Variants in USH2A observed in about 807,000 individuals in gnomAD.
USH2A encodes the protein usherin.
A neutral mutation model predicts 538.9 loss-of-function variants in USH2A; 443 were observed. The observed-to-expected ratio is 0.82, with a 90% CI of 0.76 to 0.89. The LOEUF is 0.89. Among genes scored for constraint, USH2A ranks in the 40% least tolerant of loss-of-function variants. USH2A has a pLI of 0.00. For synonymous variants in USH2A, 2,413 were observed against 2,273.5 expected, an observed-to-expected ratio of 1.06 and a Z score of -1.75; for missense variants, 6,633 against 6,324.8, an observed-to-expected ratio of 1.05 and a Z score of -1.65.
At chr1:216,084,592 T>C in intron 25 of USH2A, 106 bp downstream of exon 25, 1 of 1,188,024 alleles carries the variant, frequency 8.4e-7, no homozygotes, top group Non-Finnish European at 1.2e-6. Flanking sequence ...ATTTCTGTGA[T>C]ACTAGGTTCA....
chr1:215,674,335 G>C lies in USH2A; in HGVS notation c.13576C>G (p.Arg4526Gly). ...CCTGAGGGTGCTGAGGGGCTGGTTC[G>C]ATCTTTGACAAGAGGACTCAAAATA... The part of the protein sequence containing the change: ...GGILSPLVKD[R>G]TSPSAPSGME... Residue 4526 changes from arginine to glycine, a missense_variant, in exon 63 of 72, where the codon CGA becomes GGA. Physicochemically the swap from Arg to Gly is moderately radical, Grantham distance 125. Coordinates refer to ENST00000307340, the MANE Select transcript of USH2A (RefSeq NM_206933.4). 6.2e-7 allele frequency: 1 copy of C among 1,613,792 alleles called. No individual in the cohort carries two copies. Among genetic ancestry groups the C allele is most frequent in the Non-Finnish European group, 8.5e-7 (1 of 1,179,852 alleles).
At chr1:216,005,540 G>C (rs1257155199) in intron 32 of USH2A, among the ~76,000 whole-genome samples, 1 of 152,106 alleles carries the variant, frequency 6.6e-6, no homozygotes. Flanking sequence ...AGACCAGAAG[G>C]ATATCCCCAT....
chr1:215,800,413 G>C (rs1012314787), intron 49 of USH2A, among the ~76,000 whole-genome samples: 11 of 152,132 alleles, frequency 7.2e-5, no homozygotes, highest in African/African-American at 2.7e-4. Flanking sequence ...ATGTGAGTAT[G>C]ATGACCAATC....
chr1:216,316,849 C>T (rs2037519115), intron 9 of USH2A, among the ~76,000 whole-genome samples: 1 of 152,116 alleles, frequency 6.6e-6, no homozygotes, highest in Admixed American at 6.5e-5. Flanking sequence ...CATGAACAGA[C>T]AGTTCTCAAA....
rs576136154 is a variant in USH2A, at chr1:216,268,062, T to C, written c.1972-16964A>G. On this transcript the variant is annotated intron_variant, in intron 11 of 71. Transcript: ENST00000307340. Reference sequence around the variant, plus strand: ...TTACCCTGTGAGGTATTATACTTCCTGTAGAAAAACTAACAGACGTCTCTA... The same window carrying C: ...TTACCCTGTGAGGTATTATACTTCCCGTAGAAAAACTAACAGACGTCTCTA... Among the ~76,000 whole-genome samples, 22 of 152,238 alleles carry C rather than the reference T, an allele frequency of 1.4e-4. No homozygotes were observed. The South Asian group carries it at 2.1e-3, about 14-fold the overall frequency.
chr1:215,965,844 T>C (rs562305313), intron 36 of USH2A, among the ~76,000 whole-genome samples: 1 of 152,038 alleles, frequency 6.6e-6, no homozygotes, highest in East Asian at 1.9e-4. Context: ...TCTGTTTTTA[T>C]AAGTCCTTGA....
chr1:216,281,765 T>G (rs1512581), intron 11 of USH2A, among the ~76,000 whole-genome samples: 1 of 151,718 alleles, frequency 6.6e-6, no homozygotes, highest in African/African-American at 2.4e-5. Context: ...TGAGAAACAC[T>G]AAGCCATTTT....
At chr1:215,838,163 A>G in intron 46 of USH2A, 60 bp from the exon 47 acceptor site, 1 of 1,301,798 alleles carries the variant, frequency 7.7e-7, no homozygotes, top group Non-Finnish European at 1.1e-6. Context: ...TACTAACAAT[A>G]GTCTGAATCC....
rs371969415 is a variant in USH2A at position 215,858,034 on chromosome 1, G to A, written c.8845+8973C>T. ...TTTCAAGTGTTTCTGTGGCAACTAG[G>A]TGAACTTAAAAACTACAATGTGAAT... On this transcript the variant is annotated intron_variant, in intron 44 of 71. Coordinates refer to ENST00000307340, the MANE Select transcript of USH2A (RefSeq NM_206933.4). 3.3e-5 allele frequency among the ~76,000 whole-genome samples: 5 copies of A among 152,190 alleles called. No individual in the cohort carries two copies. The East Asian group carries it at 7.7e-4, about 24-fold the overall frequency.
intron 21 of USH2A, among the ~76,000 whole-genome samples, chr1:216,159,199 C>T (rs1186834963): frequency 6.6e-6 from 1 of 151,976 alleles, no homozygotes; most frequent in Non-Finnish European, 1.5e-5. Context: ...TGCTATATTG[C>T]TCTGGCTAGT....
At chr1:215,942,328 G>T (rs966468608) in intron 37 of USH2A, among the ~76,000 whole-genome samples, 7 of 152,116 alleles carry the variant, frequency 4.6e-5, no homozygotes, top group South Asian at 4.1e-4. Context: ...TCTTATGGAG[G>T]TGGCATGCTA....
In USH2A at chr1:215,780,032, C is replaced by T. The variant is rs1167594983; in HGVS notation, c.10750G>A (p.Ala3584Thr). ...GCATSSKVVA[A>T]TTQGVPESIL... ...CTCTCCGGAACTCCTTGGGTAGTAG[C>T]TGCAACTACCTGAAGACGTAGGAAT... Residue 3584 changes from alanine to threonine, a missense_variant, in exon 55 of 72, where the codon GCT (alanine) becomes ACT (threonine). Transcript: ENST00000307340. 1 of 1,614,000 alleles carries T rather than the reference C, an allele frequency of 6.2e-7. No homozygotes were observed. The highest frequency in any genetic ancestry group is 1.1e-5 in the South Asian group (1 of 91,088).
At chr1:215,862,298 G>T (rs1664337815) in intron 44 of USH2A, among the ~76,000 whole-genome samples, 1 of 151,990 alleles carries the variant, frequency 6.6e-6, no homozygotes, top group Non-Finnish European at 1.5e-5. Context: ...ATCATTCTCA[G>T]CAAACTATAG....
Position 216,084,857 on chromosome 1 carries a change from C to T in USH2A, c.5008G>A (p.Val1670Met). The T allele has an allele frequency of 6.2e-7, 1 of 1,613,260 alleles. No homozygotes were observed. The highest frequency in any genetic ancestry group is 2.2e-5 in the East Asian group (1 of 44,858). Residue 1670 changes from valine (V) to methionine (M), a missense_variant, in exon 25 of 72, where the codon GTG (valine) becomes ATG (methionine). Val to Met is a conservative substitution (Grantham distance 21). Coordinates refer to ENST00000307340, the MANE Select transcript of USH2A (RefSeq NM_206933.4). ...AAATGTACATCCTTGAGACAGCCCACAAAACCTTTTTGGATTATCTCTGCA... is the reference window on the plus strand; with the variant it reads ...AAATGTACATCCTTGAGACAGCCCATAAAACCTTTTTGGATTATCTCTGCA... ...KDPEIIQKGF[V>M]GCLKDVHFMK...
chr1:215,802,592 T>G (rs796878158), intron 49 of USH2A, among the ~76,000 whole-genome samples: 38 of 152,182 alleles, frequency 2.5e-4, no homozygotes, highest in African/African-American at 8.9e-4. Flanking sequence ...TTAGGATAGT[T>G]ATAAAAAACA....
chr1:215,756,572 TC>T (rs1490006131), intron 58 of USH2A, among the ~76,000 whole-genome samples: 4 of 152,134 alleles, frequency 2.6e-5, no homozygotes, highest in Non-Finnish European at 5.9e-5. Context: ...CTATCCAGCT[TC>T]ATTTTATTTT....
chr1:216,328,897 C>A lies in USH2A; in HGVS notation c.785-1243G>T, dbSNP rs144457638. ...TTAAATAATATATTTGAGAAAATAA[C>A]CAAAATATTACATATAAAAATATTT... On this transcript the variant is annotated intron_variant, in intron 4 of 71. Transcript: ENST00000307340. Among the ~76,000 whole-genome samples, 722 of 152,044 alleles carry A rather than the reference C, an allele frequency of 4.7e-3. 4 individuals carry two copies. The highest frequency in any genetic ancestry group is 0.017 in the African/African-American group (691 of 41,516).
intron 38 of USH2A, among the ~76,000 whole-genome samples, chr1:215,933,580 T>C (rs536556099): frequency 5.3e-5 from 8 of 152,172 alleles, no homozygotes; most frequent in Admixed American, 3.9e-4. Context: ...CAACAAGTAA[T>C]GAATCTTTTT....
At chr1:216,228,271 G>C (rs923147418) in intron 14 of USH2A, among the ~76,000 whole-genome samples, 1 of 152,136 alleles carries the variant, frequency 6.6e-6, no homozygotes, top group Admixed American at 6.6e-5. Context: ...AGAGGCCAAA[G>C]AACTGCATCA....
Sources: allele counts gnomAD v4.1 joint callset (sites outside exome capture counted in the v4.1 genomes callset), GRCh38; gene constraint gnomAD v4.1.1; transcripts MANE v1.5; gene names NCBI Gene and HGNC (gene_info 2026-07-23, HGNC 2026-07-21).